Variants in AGBL1 observed in about 807,000 individuals in gnomAD.
AGBL1 encodes the protein AGBL carboxypeptidase 1.
AGBL1 carries 130 observed loss-of-function variants against 118.9 expected under a neutral mutation model. The observed-to-expected ratio is 1.09, with a 90% CI of 0.95 to 1.26. The LOEUF is 1.26. AGBL1 is among the 50% of genes most tolerant of loss of function. The probability of loss-of-function intolerance (pLI) is 0.00; values close to 1 mark genes in which losing one functional copy is unlikely to be tolerated. For synonymous variants in AGBL1, 555 were observed against 478.9 expected, an observed-to-expected ratio of 1.16 and a Z score of -2.08; for missense variants, 1,584 against 1,298.1, an observed-to-expected ratio of 1.22 and a Z score of -3.38.
intron 19 of AGBL1, among the ~76,000 whole-genome samples, chr15:86,529,872 A>C (rs879824127): frequency 3.5e-4 from 50 of 144,102 alleles, no homozygotes; most frequent in Non-Finnish European, 5.4e-4. Flanking sequence ...TTCATAAGTG[A>C]AGGAGAAATA....
chr15:86,643,858 C>T (rs555719229), intron 21 of AGBL1, among the ~76,000 whole-genome samples: 3 of 152,252 alleles, frequency 2.0e-5, no homozygotes, highest in East Asian at 1.9e-4. Context: ...TGCATTTACT[C>T]TTTAACTCAA....
chr15:86,236,182 G>A (rs954461988), intron 6 of AGBL1, among the ~76,000 whole-genome samples: 1 of 152,070 alleles, frequency 6.6e-6, no homozygotes. Context: ...GCTGCTCTGG[G>A]GACAATGGAA....
intron 23 of AGBL1, among the ~76,000 whole-genome samples, chr15:86,978,163 C>G (rs2081193608): frequency 6.6e-6 from 1 of 152,128 alleles, no homozygotes; most frequent in South Asian, 2.1e-4. Flanking sequence ...GTTAACCTTA[C>G]AAGTAAGTCA....
chr15:86,293,985 T>A (rs1427091788), intron 16 of AGBL1, among the ~76,000 whole-genome samples: 1 of 152,114 alleles, frequency 6.6e-6, no homozygotes, highest in Non-Finnish European at 1.5e-5. Flanking sequence ...TGTTTCCCTC[T>A]CTGGTTACTG....
At chr15:86,106,180 G>C (rs1897041469) in intron 1 of AGBL1, among the ~76,000 whole-genome samples, 1 of 152,214 alleles carries the variant, frequency 6.6e-6, no homozygotes, top group Non-Finnish European at 1.5e-5. Flanking sequence ...TGGATATACA[G>C]ATAACAGGGT....
At position 86,744,350 on chromosome 15, in the gene AGBL1, G is replaced by A. The variant is rs143863150; in HGVS notation, c.3158+69914G>A. Among the ~76,000 whole-genome samples the A allele has an allele frequency of 2.3e-4, 35 of 152,014 alleles. No homozygotes were observed. The East Asian group carries it at 5.2e-3, about 23-fold the overall frequency. On this transcript the variant is annotated intron_variant, in intron 22 of 22. Coordinates refer to ENST00000614907, the MANE Select transcript of AGBL1 (RefSeq NM_001386094.1). ...TAAATTTGCCTTTATTGTTTGTCCC[G>A]GCCTACCCCATTCTCACAGAGCTCC...
intron 17 of AGBL1, among the ~76,000 whole-genome samples, chr15:86,329,759 G>A (rs1017306914): frequency 6.7e-6 from 1 of 150,292 alleles, no homozygotes; most frequent in African/African-American, 2.5e-5. Context: ...GGTAAATGCG[G>A]GCCCTCTATG....
chr15:86,262,098 A>ATTTTTTT (rs1191549795), intron 9 of AGBL1, among the ~76,000 whole-genome samples: 4 of 6,672 alleles, frequency 6.0e-4, no homozygotes, highest in Non-Finnish European at 6.5e-4. Context: ...TTTTTTTGCC[A>ATTTTTTT]TTTAGGTCTC....
At chr15:86,993,604 T>C (rs1456331933) in intron 24 of AGBL1, among the ~76,000 whole-genome samples, 2 of 152,184 alleles carry the variant, frequency 1.3e-5, no homozygotes, top group South Asian at 2.1e-4. Flanking sequence ...TATATGAGTA[T>C]GCTGCCTTTG....
At chr15:86,650,484 T>A (rs569935469) in intron 21 of AGBL1, among the ~76,000 whole-genome samples, 1 of 152,342 alleles carries the variant, frequency 6.6e-6, no homozygotes, top group South Asian at 2.1e-4. Flanking sequence ...TTGTGGTTTT[T>A]TCTGGGCCTC....
At chr15:86,134,416 C>G (rs531372944) in intron 1 of AGBL1, among the ~76,000 whole-genome samples, 2 of 152,042 alleles carry the variant, frequency 1.3e-5, no homozygotes, top group Non-Finnish European at 2.9e-5. Flanking sequence ...TGGGCTTGTT[C>G]TTTCAGTCTG....
chr15:86,267,437 C>A (rs1306229508), intron 13 of AGBL1, among the ~76,000 whole-genome samples: 1 of 152,134 alleles, frequency 6.6e-6, no homozygotes, highest in African/African-American at 2.4e-5. Flanking sequence ...ACTTTGATGC[C>A]AAGGCTGATT....
chr15:86,746,536 G>C (rs2077759129), intron 22 of AGBL1, among the ~76,000 whole-genome samples: 1 of 152,004 alleles, frequency 6.6e-6, no homozygotes, highest in African/African-American at 2.4e-5. Context: ...GTGCACATCA[G>C]CCTCCACCGA....
intron 24 of AGBL1, among the ~76,000 whole-genome samples, chr15:87,014,417 T>G (rs1159204964): frequency 6.6e-6 from 1 of 152,228 alleles, no homozygotes; most frequent in African/African-American, 2.4e-5. Context: ...TGTGTAATTA[T>G]TTCCAAGACA....
chr15:86,963,511 T>A (rs1429147565), intron 23 of AGBL1, among the ~76,000 whole-genome samples: 1 of 151,972 alleles, frequency 6.6e-6, no homozygotes, highest in Non-Finnish European at 1.5e-5. Context: ...TTATAAACAA[T>A]CTACCACGTT....
intron 22 of AGBL1, among the ~76,000 whole-genome samples, chr15:86,824,386 G>A (rs1391613873): frequency 6.6e-6 from 1 of 151,960 alleles, no homozygotes; most frequent in Non-Finnish European, 1.5e-5. Context: ...AACAAAACAT[G>A]TACAAGAATG....
intron 18 of AGBL1, among the ~76,000 whole-genome samples, chr15:86,513,822 G>A (rs951134582): frequency 1.3e-5 from 2 of 151,816 alleles, no homozygotes; most frequent in East Asian, 1.9e-4. Flanking sequence ...ACTATTGTTC[G>A]TGGTCAAATC....
At chr15:86,609,481 A>G (rs763190082) in intron 21 of AGBL1, among the ~76,000 whole-genome samples, 14 of 152,118 alleles carry the variant, frequency 9.2e-5, no homozygotes, top group Non-Finnish European at 1.6e-4. Flanking sequence ...GGTAGGGAGT[A>G]TTGGCACCTG....
At chr15:86,180,531 G>C (rs1397276464) in intron 5 of AGBL1, among the ~76,000 whole-genome samples, 7 of 152,048 alleles carry the variant, frequency 4.6e-5, no homozygotes, top group Admixed American at 4.6e-4. Flanking sequence ...AATATAAAAT[G>C]GACCATAGAC....
Sources: gnomAD v4.1 joint callset for allele counts (sites outside exome capture counted in the v4.1 genomes callset) on GRCh38, gnomAD v4.1.1 for gene constraint, MANE v1.5 for transcripts, NCBI Gene and HGNC (gene_info 2026-07-23, HGNC 2026-07-21) for gene names.